The following CSMD1 variants were observed in gnomAD, a reference collection of about 807,000 sequenced individuals.
CSMD1 encodes CUB and Sushi multiple domains 1.
In CSMD1, 213 loss-of-function variants were observed where a neutral mutation model predicts 417.5. That is an observed-to-expected ratio of 0.51 (90% confidence interval 0.46 to 0.57). The LOEUF is 0.57. Ranked by LOEUF, CSMD1 falls within the 20% of genes least tolerant of loss-of-function variation. CSMD1 has a pLI of 0.00. For missense variants in CSMD1, 6,923 were observed against 4,529.7 expected, an observed-to-expected ratio of 1.53 and a Z score of -15.17; for synonymous variants, 2,862 against 1,736.8, an observed-to-expected ratio of 1.65 and a Z score of -16.11.
chr8:3,308,110 C>T (rs1040069938), intron 24 of CSMD1, among the ~76,000 whole-genome samples: 2 of 151,960 alleles, frequency 1.3e-5, no homozygotes, highest in Non-Finnish European at 2.9e-5. Context: ...CTATAGTCTC[C>T]ATAACAGAAT....
At chr8:3,754,194 C>T (rs1030754609) in intron 5 of CSMD1, among the ~76,000 whole-genome samples, 152 bp from the exon 6 acceptor site, 8 of 152,126 alleles carry the variant, frequency 5.3e-5, no homozygotes, top group Non-Finnish European at 7.4e-5. Flanking sequence ...AACCTTAAAA[C>T]GATCAAGATG....
chr8:4,606,501 C>G (rs1038977527), intron 2 of CSMD1, among the ~76,000 whole-genome samples: 1 of 152,168 alleles, frequency 6.6e-6, no homozygotes, highest in Non-Finnish European at 1.5e-5. Context: ...ACTCTTGGTT[C>G]TGTGTGTGGC....
In CSMD1 at chr8:4,830,945, T is replaced by G. The variant is rs373441809; in HGVS notation, c.85+163387A>C. Among the ~76,000 whole-genome samples the G allele has an allele frequency of 2.0e-3, 298 of 152,326 alleles. 2 individuals are homozygous for G. The highest frequency in any genetic ancestry group is 7.0e-3 in the African/African-American group (290 of 41,570). Reference sequence around the variant, plus strand: ...TTCCTTATGTTACCCAGAAATTATCTGCTGCCTGAAGAAAAAGGTAGCTAA... The same window carrying G: ...TTCCTTATGTTACCCAGAAATTATCGGCTGCCTGAAGAAAAAGGTAGCTAA... On this transcript the variant is annotated intron_variant, in intron 1 of 69. Coordinates refer to ENST00000635120, the MANE Select transcript of CSMD1 (RefSeq NM_033225.6).
At chr8:3,851,725 A>C (rs992464902) in intron 5 of CSMD1, among the ~76,000 whole-genome samples, 1 of 152,170 alleles carries the variant, frequency 6.6e-6, no homozygotes, top group Non-Finnish European at 1.5e-5. Flanking sequence ...TAATTAAAGG[A>C]AAGAGAGAGA....
At chr8:3,054,600 A>T (rs1446594856) in intron 49 of CSMD1, among the ~76,000 whole-genome samples, 1 of 150,588 alleles carries the variant, frequency 6.6e-6, no homozygotes, top group African/African-American at 2.4e-5. Flanking sequence ...ACTGGGTGAT[A>T]GAGCAAGGCC....
intron 10 of CSMD1, among the ~76,000 whole-genome samples, chr8:3,564,045 G>C (rs758857300): frequency 1.3e-5 from 2 of 151,854 alleles, no homozygotes; most frequent in African/African-American, 4.8e-5. Flanking sequence ...ATATATTTTG[G>C]GGGTACACGT....
Position 2,978,613 on chromosome 8 carries a change from C to G in CSMD1, c.8565G>C (p.Leu2855Phe), listed in dbSNP as rs543325074. ...GLWDRSLPKC[L>F]AISCGHPGVP... ...AAATTGGGAATAACCCTGACTTACC[C>G]AAACACTTGGGCAGGGATCGGTCCC... The change falls in exon 55 of 70, where the codon TTG becomes TTC. Residue 2855 changes from leucine to phenylalanine, a missense_variant and splice_region_variant. Transcript: ENST00000635120. 2 of 1,582,948 alleles carry G rather than the reference C, an allele frequency of 1.3e-6. No individual in the cohort carries two copies. Among genetic ancestry groups the G allele is most frequent in the East Asian group, 4.6e-5 (2 of 43,658 alleles).
At chr8:4,858,081 G>T (rs1045835298) in intron 1 of CSMD1, among the ~76,000 whole-genome samples, 9 of 151,986 alleles carry the variant, frequency 5.9e-5, no homozygotes, top group East Asian at 1.9e-4. Context: ...CAAGTGGGCT[G>T]CATCCCTGGG....
chr8:4,235,855 T>C (rs369025553), intron 3 of CSMD1, among the ~76,000 whole-genome samples: 1 of 152,162 alleles, frequency 6.6e-6, no homozygotes, highest in East Asian at 1.9e-4. Flanking sequence ...TGCCATCCTT[T>C]GATTCTAACT....
intron 26 of CSMD1, among the ~76,000 whole-genome samples, chr8:3,248,566 G>A (rs1030026873): frequency 8.6e-6 from 1 of 116,174 alleles, no homozygotes; most frequent in Non-Finnish European, 1.6e-5. Flanking sequence ...GTCTCGCTCT[G>A]TCGCCCAGCC....
chr8:3,449,720 G>T (rs916550527), intron 12 of CSMD1, among the ~76,000 whole-genome samples: 3 of 152,076 alleles, frequency 2.0e-5, no homozygotes, highest in African/African-American at 7.2e-5. Flanking sequence ...GTTTCACCAT[G>T]TTGGTCAGGC....
At chr8:3,957,164 T>G (rs942570328) in intron 5 of CSMD1, among the ~76,000 whole-genome samples, 14 of 152,078 alleles carry the variant, frequency 9.2e-5, no homozygotes, top group African/African-American at 3.1e-4. Context: ...CACCCAGCTC[T>G]GCTAGATCCC....
intron 2 of CSMD1, among the ~76,000 whole-genome samples, chr8:4,506,491 A>T (rs1035716262): frequency 1.3e-5 from 2 of 152,104 alleles, no homozygotes; most frequent in African/African-American, 4.8e-5. Flanking sequence ...CTCTTCATTC[A>T]GAAACAATGG....
In CSMD1 at chr8:4,397,523, C is replaced by CTTTT. The variant is rs57745028; in HGVS notation, c.415+22426_415+22429dup. 1.3e-3 allele frequency among the ~76,000 whole-genome samples: 78 copies of CTTTT among 59,954 alleles called. 3 individuals are homozygous for CTTTT. The highest frequency in any genetic ancestry group is 4.4e-3 in the African/African-American group (73 of 16,470). 39.3% of individuals were successfully genotyped at this position (59,954 alleles called of 152,430 possible). ...GAGCAATGTCAACAAGCCTGAGACTCTTTTTTTTTTTTTTTTTTTTTTTTT... is the reference window on the plus strand; with the variant it reads ...GAGCAATGTCAACAAGCCTGAGACTCTTTTTTTTTTTTTTTTTTTTTTTTTTTTT... On this transcript the variant is annotated intron_variant, in intron 3 of 69. Transcript: ENST00000635120.
chr8:3,473,589 T>C lies in CSMD1; in HGVS notation c.1449-4765A>G, dbSNP rs73660044. Among the ~76,000 whole-genome samples the C allele has an allele frequency of 6.6e-3, 999 of 152,328 alleles. 16 individuals are homozygous for C. The highest frequency in any genetic ancestry group is 0.022 in the African/African-American group (915 of 41,568). ...TTGTTGCCCTTTGCAACTGGTTATC[T>C]GTTTGAAACAGGATTTTCAAAATAA... On this transcript the variant is annotated intron_variant, in intron 11 of 69. Coordinates refer to ENST00000635120, the MANE Select transcript of CSMD1 (RefSeq NM_033225.6).
At chr8:3,611,438 A>T (rs925627994) in intron 8 of CSMD1, among the ~76,000 whole-genome samples, 1 of 152,104 alleles carries the variant, frequency 6.6e-6, no homozygotes, top group Admixed American at 6.6e-5. Flanking sequence ...ACTCCTCTTA[A>T]TTTAAAGAAC....
intron 2 of CSMD1, among the ~76,000 whole-genome samples, chr8:4,581,969 G>A (rs762658723): frequency 6.6e-6 from 1 of 152,186 alleles, no homozygotes; most frequent in Admixed American, 6.5e-5. Context: ...AGCATTTGAT[G>A]GAAGACAAAC....
chr8:3,139,378 A>G (rs1383592090), intron 41 of CSMD1, among the ~76,000 whole-genome samples: 2 of 152,216 alleles, frequency 1.3e-5, no homozygotes, highest in African/African-American at 4.8e-5. Context: ...GAGAGATAGC[A>G]GAATAACCCA....
chr8:3,137,458 C>T lies in CSMD1; in HGVS notation c.6241+5007G>A, dbSNP rs568831005. 1.5e-4 allele frequency among the ~76,000 whole-genome samples: 23 copies of T among 152,322 alleles called. No individual in the cohort carries two copies. The South Asian group carries it at 2.9e-3, about 19-fold the overall frequency. On this transcript the variant is annotated intron_variant, in intron 41 of 69. Coordinates refer to ENST00000635120, the MANE Select transcript of CSMD1 (RefSeq NM_033225.6). Reference sequence around the variant, plus strand: ...GGGAGCAATTACAGGTAAGGCACTGCGCTTCCTGCTGAGCGCGGAGCGAGG... The same window carrying T: ...GGGAGCAATTACAGGTAAGGCACTGTGCTTCCTGCTGAGCGCGGAGCGAGG...
Sources: allele counts gnomAD v4.1 joint callset (sites outside exome capture counted in the v4.1 genomes callset), GRCh38; gene constraint gnomAD v4.1.1; transcripts MANE v1.5; gene names NCBI Gene and HGNC (gene_info 2026-07-23, HGNC 2026-07-21).